The following WDFY3 variants were observed in gnomAD, a reference collection of about 807,000 sequenced individuals.
The protein encoded by WDFY3 is WD repeat and FYVE domain containing 3.
Under a neutral mutation model 409.6 loss-of-function variants are expected in WDFY3, and 66 were observed. The ratio of observed to expected loss-of-function variants is 0.16; its 90% CI spans 0.13 to 0.20. The LOEUF (loss-of-function observed/expected upper bound fraction) is 0.20, where lower values mean the gene tolerates loss of function less well. Among genes scored for constraint, WDFY3 ranks in the 10% least tolerant of loss-of-function variants. The pLI, the probability that WDFY3 is intolerant of heterozygous loss-of-function variation, is 1.00. For missense variants in WDFY3, 3,031 were observed against 4,298.1 expected, an observed-to-expected ratio of 0.71 and a Z score of 8.24; for synonymous variants, 1,521 against 1,537.1, an observed-to-expected ratio of 0.99 and a Z score of 0.25.
chr4:84,739,898 A>G (rs1011434154), intron 39 of WDFY3, among the ~76,000 whole-genome samples: 1 of 152,178 alleles, frequency 6.6e-6, no homozygotes, highest in African/African-American at 2.4e-5. Context: ...TACTTCTCTT[A>G]GATTTCAATG....
At chr4:84,909,215 C>A (rs1767450970) in intron 2 of WDFY3, among the ~76,000 whole-genome samples, 1 of 151,970 alleles carries the variant, frequency 6.6e-6, no homozygotes. Flanking sequence ...GGGAGGGCAT[C>A]TATTTTATGT....
At chr4:84,947,742 C>A (rs1048555901) in intron 1 of WDFY3, among the ~76,000 whole-genome samples, 1 of 146,014 alleles carries the variant, frequency 6.8e-6, no homozygotes, top group African/African-American at 2.5e-5. Flanking sequence ...ATTAGCCAGG[C>A]ATGGTGGCAT....
chr4:84,831,068 T>A (rs1755640333), intron 8 of WDFY3, among the ~76,000 whole-genome samples: 1 of 150,530 alleles, frequency 6.6e-6, no homozygotes, highest in African/African-American at 2.4e-5. Context: ...GCACCTGTAA[T>A]CCCAGCTACT....
At chr4:84,833,548 G>A (rs987548712) in intron 7 of WDFY3, among the ~76,000 whole-genome samples, 2 of 152,072 alleles carry the variant, frequency 1.3e-5, no homozygotes, top group Admixed American at 6.6e-5. Context: ...AAGTTACTCA[G>A]GAGGCTGAAA....
intron 2 of WDFY3, among the ~76,000 whole-genome samples, chr4:84,899,710 C>T (rs1276102382): frequency 6.6e-6 from 1 of 152,050 alleles, no homozygotes; most frequent in Non-Finnish European, 1.5e-5. Context: ...CAGTCCTCTA[C>T]AGAAAAAGTT....
At chr4:84,805,195 A>G (rs960272556) in intron 15 of WDFY3, among the ~76,000 whole-genome samples, 4 of 152,296 alleles carry the variant, frequency 2.6e-5, no homozygotes, top group Non-Finnish European at 5.9e-5. Context: ...CTTGGGTCCC[A>G]TACTCAAGAT....
chr4:84,964,844 T>A (rs1775423547), intron 1 of WDFY3, among the ~76,000 whole-genome samples: 1 of 152,220 alleles, frequency 6.6e-6, no homozygotes, highest in South Asian at 2.1e-4. Context: ...ATATTTCAGA[T>A]GAATCCATTT....
chr4:84,757,210 A>G, intron 32 of WDFY3, 49 bp from the exon 33 acceptor site: 1 of 1,536,028 alleles, frequency 6.5e-7, no homozygotes, highest in Non-Finnish European at 9.0e-7. Flanking sequence ...CAACTGATAA[A>G]CATGCTGCAT....
intron 64 of WDFY3, among the ~76,000 whole-genome samples, chr4:84,681,147 C>T (rs1410399745): frequency 6.6e-6 from 1 of 152,154 alleles, no homozygotes; most frequent in Non-Finnish European, 1.5e-5. Context: ...AATCTCACCA[C>T]TTCTACATTG....
chr4:84,702,392 A>C lies in WDFY3; in HGVS notation c.8557T>G (p.Leu2853Val). The C allele has an allele frequency of 1.2e-6, 2 of 1,613,390 alleles. No individual in the cohort carries two copies. The highest frequency in any genetic ancestry group is 1.1e-5 in the South Asian group (1 of 90,960). The change falls in exon 56 of 68, where the codon TTA becomes GTA. Residue 2853 changes from leucine to valine, a missense_variant. Around this residue, in one of 16 missense-constraint regions of WDFY3, gnomAD observed 129 missense variants for 305.3 expected, o/e 0.42. Transcript: ENST00000295888. ...TTGGAATTGAACAGGAATTCTGGTAAATAAAAGAACTCTGGGATAAGTTCT... is the reference window on the plus strand; with the variant it reads ...TTGGAATTGAACAGGAATTCTGGTACATAAAAGAACTCTGGGATAAGTTCT... ...VKELIPEFFY[L>V]PEFLFNSNNF... is the part of the protein sequence containing the mutation.
At chr4:84,754,887 CTTA>C in intron 34 of WDFY3, among the ~76,000 whole-genome samples, 1 of 152,212 alleles carries the variant, frequency 6.6e-6, no homozygotes, top group South Asian at 2.1e-4. Context: ...TTACGAAGCA[CTTA>C]TTATGTATCA....
intron 7 of WDFY3, among the ~76,000 whole-genome samples, chr4:84,836,017 T>C (rs1304356875): frequency 6.6e-6 from 1 of 152,206 alleles, no homozygotes; most frequent in Non-Finnish European, 1.5e-5. Flanking sequence ...TAACTGTTGA[T>C]TGGGTTAAAA....
intron 53 of WDFY3, among the ~76,000 whole-genome samples, chr4:84,708,386 GAATT>G (rs1418462292): frequency 7.2e-5 from 11 of 152,168 alleles, no homozygotes; most frequent in African/African-American, 2.7e-4. Flanking sequence ...GAGATATTAT[GAATT>G]AATAGCCAGT....
At chr4:84,718,998 T>C (rs1487663877) in intron 47 of WDFY3, among the ~76,000 whole-genome samples, 1 of 152,230 alleles carries the variant, frequency 6.6e-6, no homozygotes, top group East Asian at 1.9e-4. Context: ...CAGGGCCTGC[T>C]AACTCAGGGT....
chr4:84,859,886 T>C (rs1039858671), intron 4 of WDFY3, among the ~76,000 whole-genome samples: 4 of 152,214 alleles, frequency 2.6e-5, no homozygotes, highest in African/African-American at 9.7e-5. Flanking sequence ...AAAAAAATTG[T>C]TATTTTAAAA....
At chr4:84,750,366 A>T (rs943160523) in intron 36 of WDFY3, among the ~76,000 whole-genome samples, 4 of 152,030 alleles carry the variant, frequency 2.6e-5, no homozygotes, top group Middle Eastern at 3.2e-3. Flanking sequence ...TAGTGATTTT[A>T]AAAAAAATTG....
chr4:84,950,048 C>T (rs983799650), intron 1 of WDFY3, among the ~76,000 whole-genome samples: 1 of 152,130 alleles, frequency 6.6e-6, no homozygotes, highest in African/African-American at 2.4e-5. Flanking sequence ...CACATATACA[C>T]CATGGAATAC....
intron 4 of WDFY3, among the ~76,000 whole-genome samples, chr4:84,856,868 A>G (rs1322827007): frequency 1.3e-5 from 2 of 152,166 alleles, no homozygotes; most frequent in Non-Finnish European, 1.5e-5. Flanking sequence ...ATACTGAGCT[A>G]TTCACTCACC....
chr4:84,889,098 A>G (rs1764606111), intron 3 of WDFY3, among the ~76,000 whole-genome samples: 1 of 152,198 alleles, frequency 6.6e-6, no homozygotes, highest in African/African-American at 2.4e-5. Flanking sequence ...AAATATTCTC[A>G]CAGAAAGTGT....
Sources: gnomAD v4.1 joint callset for allele counts (sites outside exome capture counted in the v4.1 genomes callset) on GRCh38, gnomAD v4.1.1 for gene constraint, gnomAD v4.1.1 regional missense constraint, MANE v1.5 for transcripts, NCBI Gene and HGNC (gene_info 2026-07-23, HGNC 2026-07-21) for gene names.